Variants in MGAM2 observed in about 807,000 individuals in gnomAD.
MGAM2 encodes the protein maltase-glucoamylase 2 (putative).
MGAM2 carries 98 observed loss-of-function variants against 96.1 expected under a neutral mutation model. The ratio of observed to expected loss-of-function variants is 1.02; its 90% CI spans 0.87 to 1.21. The LOEUF is 1.21. MGAM2 is among the 50% of genes most tolerant of loss of function. The pLI, the probability that MGAM2 is intolerant of heterozygous loss-of-function variation, is 0.00. For missense variants in MGAM2, 2,055 were observed against 1,182.4 expected, an observed-to-expected ratio of 1.74 and a Z score of -10.82; for synonymous variants, 749 against 414.8, an observed-to-expected ratio of 1.81 and a Z score of -9.79.
chr7:142,138,627 A>T lies in MGAM2; in HGVS notation c.1046A>T (p.Lys349Ile). Reference sequence around the variant, plus strand: ...GACTATGGTGGCATCAATAAATTGAAAGAAGTTGTAAGCCGAAATCGTTTA... The same window carrying T: ...GACTATGGTGGCATCAATAAATTGATAGAAGTTGTAAGCCGAAATCGTTTA... The part of the protein sequence containing the change: ...RRDYGGINKL[K>I]EVVSRNRLAE... The change falls in exon 10 of 48, where the codon AAA becomes ATA. Residue 349 changes from lysine to isoleucine, a missense_variant. Physicochemically the swap from Lys to Ile is moderately radical, Grantham distance 102. Coordinates refer to ENST00000477922, the MANE Select transcript of MGAM2 (RefSeq NM_001293626.2). The T allele has an allele frequency of 1.4e-6, 1 of 702,974 alleles. No individual in the cohort carries two copies. The highest frequency in any genetic ancestry group is 2.6e-6 in the Non-Finnish European group (1 of 384,950). The allele number at this position is 702,974 out of a possible 1,614,324, so 43.5% of individuals were successfully genotyped here.
At chr7:142,151,145 A>G (rs1795568267) in intron 15 of MGAM2, among the ~76,000 whole-genome samples, 1 of 152,184 alleles carries the variant, frequency 6.6e-6, no homozygotes, top group Admixed American at 6.6e-5. Context: ...GGGCAAAGTC[A>G]GCCCATATCC....
chr7:142,218,336 T>C (rs762349092), intron 46 of MGAM2, 25 bp from the exon 47 acceptor site: 31 of 660,532 alleles, frequency 4.7e-5, no homozygotes, highest in Non-Finnish European at 8.2e-5. Flanking sequence ...TTATGTATTC[T>C]TTTCTCTTTA....
At position 142,143,874 on chromosome 7, in the gene MGAM2, G is replaced by C. The variant is rs552516401; in HGVS notation, c.1423G>C (p.Val475Leu). 1 of 702,866 alleles carries C rather than the reference G, an allele frequency of 1.4e-6. No individual in the cohort carries two copies. Among genetic ancestry groups the C allele is most frequent in the African/African-American group, 1.7e-5 (1 of 57,380 alleles). 43.5% of individuals were successfully genotyped at this position (702,866 alleles called of 1,614,324 possible). A position where few individuals can be genotyped will look rare whatever the true frequency, so the allele number is the denominator to read the frequency against. The change falls in exon 13 of 48, where the codon GTG becomes CTG. Residue 475 changes from valine to leucine, a missense_variant. Val to Leu is a conservative substitution (Grantham distance 32). Coordinates refer to ENST00000477922, the MANE Select transcript of MGAM2 (RefSeq NM_001293626.2). The stretch of plus-strand genomic sequence containing the variant: ...TCATGATCATCTGGAGTTTGATGGA[G>C]TGTGGATTGTAAGTTATTATTCCTG... ...KFHDHLEFDG[V>L]WIEMNEVSSL...
At position 142,198,189 on chromosome 7, in the gene MGAM2, T is replaced by C. The variant is rs1459946529; in HGVS notation, c.4917T>C (p.Tyr1639=). 3 of 703,020 alleles carry C rather than the reference T, an allele frequency of 4.3e-6. No homozygotes were observed. Among genetic ancestry groups the C allele is most frequent in the South Asian group, 3.0e-5 (2 of 67,564 alleles). The allele number at this position is 703,020 out of a possible 1,614,324, so 43.5% of individuals were successfully genotyped here. A position where few individuals can be genotyped will look rare whatever the true frequency, so the allele number is the denominator to read the frequency against. The part of the protein sequence containing the change: ...AYFPRARWYD[Y]STGTSSTSTG... ...TTCCGAGAGCCCGTTGGTATGACTA[T>C]AGCACGGTAAGAACTAATATATTTG... The change falls in exon 43 of 48, where the codon TAT becomes TAC. Residue 1639 remains tyrosine (Y), a synonymous_variant. Coordinates refer to ENST00000477922, the MANE Select transcript of MGAM2 (RefSeq NM_001293626.2).
At chr7:142,151,855 C>T (rs1410088150) in intron 15 of MGAM2, among the ~76,000 whole-genome samples, 1 of 152,222 alleles carries the variant, frequency 6.6e-6, no homozygotes, top group Non-Finnish European at 1.5e-5. Flanking sequence ...ATAAGTGGAA[C>T]TTGGTCTTTG....
At chr7:142,123,647 C>T (rs78339533) in intron 3 of MGAM2, among the ~76,000 whole-genome samples, 21,499 of 151,524 alleles carry the variant, frequency 0.14, 1,743 homozygotes, top group Admixed American at 0.25. Flanking sequence ...TTTTTTATTG[C>T]TTTGTAGTAG....
intron 14 of MGAM2, among the ~76,000 whole-genome samples, chr7:142,145,732 G>A (rs1215718228): frequency 6.6e-6 from 1 of 151,938 alleles, no homozygotes; most frequent in Non-Finnish European, 1.5e-5. Flanking sequence ...AGAGACCTTT[G>A]TTTCTGGCTT....
intron 5 of MGAM2, 102 bp from the exon 6 acceptor site, chr7:142,131,829 C>T: frequency 3.2e-6 from 2 of 618,402 alleles, no homozygotes; most frequent in Non-Finnish European, 5.8e-6. Flanking sequence ...GAATTAGAAG[C>T]TATTCTCATG....
In MGAM2 at chr7:142,182,185, G is replaced by C. The variant is rs114576211; in HGVS notation, c.3817-1081G>C. Among the ~76,000 whole-genome samples, 1,087 of 152,256 alleles carry C rather than the reference G, an allele frequency of 7.1e-3. 11 individuals carry two copies. Among genetic ancestry groups the C allele is most frequent in the African/African-American group, 0.025 (1,034 of 41,538 alleles). ...TCTCAGCTAGATAATCCTGATTTGT[G>C]TGCTTAAACCCTGGTGGGTTGGTAC... On this transcript the variant is annotated intron_variant, in intron 32 of 47. Transcript: ENST00000477922.
At chr7:142,189,624 T>G in intron 37 of MGAM2, 119 bp downstream of exon 37, 2 of 484,842 alleles carry the variant, frequency 4.1e-6, no homozygotes, top group South Asian at 7.0e-5. Context: ...AAGTCAAAAT[T>G]TCAGGCACGG....
At chr7:142,137,039 C>T (rs1763572417) in intron 8 of MGAM2, among the ~76,000 whole-genome samples, 1 of 152,178 alleles carries the variant, frequency 6.6e-6, no homozygotes, top group Non-Finnish European at 1.5e-5. Flanking sequence ...CTTCCTTCTC[C>T]AGCTTCTGGA....
At chr7:142,125,259 T>A (rs76103828) in intron 3 of MGAM2, among the ~76,000 whole-genome samples, 3,225 of 152,284 alleles carry the variant, frequency 0.021, 122 homozygotes, top group African/African-American at 0.074. Flanking sequence ...ATTTTCAGCA[T>A]CTATCAGAGA....
intron 32 of MGAM2, among the ~76,000 whole-genome samples, chr7:142,183,056 T>C (rs1043631385): frequency 2.6e-5 from 4 of 152,208 alleles, no homozygotes; most frequent in Non-Finnish European, 4.4e-5. Context: ...TTACTTTGAG[T>C]ACTCATGGCA....
chr7:142,160,074 GC>G, intron 20 of MGAM2, 59 bp from the exon 21 acceptor site: 1 of 653,648 alleles, frequency 1.5e-6, no homozygotes, highest in Non-Finnish European at 2.7e-6. Context: ...GATACCTAAG[GC>G]CCCTCCTAGC....
At chr7:142,164,777 T>G in intron 23 of MGAM2, 79 bp from the exon 24 acceptor site, 1 of 564,508 alleles carries the variant, frequency 1.8e-6, no homozygotes, top group Non-Finnish European at 3.1e-6. Context: ...TCACAGAAAT[T>G]GAGACATTGA....
chr7:142,203,943 T>C (rs1797320307), intron 45 of MGAM2, among the ~76,000 whole-genome samples: 1 of 152,180 alleles, frequency 6.6e-6, no homozygotes, highest in Admixed American at 6.5e-5. Context: ...ATTTTAGCTC[T>C]TTTGTATTTC....
chr7:142,154,061 T>A lies in MGAM2; in HGVS notation c.1678T>A (p.Ser560Thr). The stretch of plus-strand genomic sequence containing the variant: ...CATGAATAATAGGAGCTTCATCTTA[T>A]CCCGTTCTACTTTTGCTGGATCTGG... ...IFMNNRSFIL[S>T]RSTFAGSGKF... Residue 560 changes from serine (S) to threonine (T), a missense_variant, in exon 16 of 48, where the codon TCC becomes ACC. By Grantham distance (58) the Ser-to-Thr change is moderately conservative. Coordinates refer to ENST00000477922, the MANE Select transcript of MGAM2 (RefSeq NM_001293626.2). 2.9e-6 allele frequency: 2 copies of A among 695,186 alleles called. No individual in the cohort carries two copies. Among genetic ancestry groups the A allele is most frequent in the South Asian group, 3.0e-5 (2 of 66,428 alleles). The allele number at this position is 695,186 out of a possible 1,614,324, so 43.1% of individuals were successfully genotyped here.
intron 23 of MGAM2, among the ~76,000 whole-genome samples, chr7:142,163,462 A>T (rs1795948792): frequency 6.6e-6 from 1 of 152,132 alleles, no homozygotes; most frequent in African/African-American, 2.4e-5. Flanking sequence ...TTGTATTTTT[A>T]GTACAGATGA....
At chr7:142,198,081 T>C (rs1053587409) in intron 42 of MGAM2, 58 bp from the exon 43 acceptor site, 8 of 688,218 alleles carry the variant, frequency 1.2e-5, no homozygotes, top group Admixed American at 8.2e-5. Flanking sequence ...GTTTTGAAAA[T>C]GAAAATGAAA....
Sources: gnomAD v4.1 joint callset for allele counts (sites outside exome capture counted in the v4.1 genomes callset) on GRCh38, gnomAD v4.1.1 for gene constraint, MANE v1.5 for transcripts, NCBI Gene and HGNC (gene_info 2026-07-23, HGNC 2026-07-21) for gene names.